The following PPP6C variants were observed in gnomAD, a reference collection of about 807,000 sequenced individuals.
PPP6C encodes the protein serine/threonine-protein phosphatase 6 catalytic subunit.
Under a neutral mutation model 39.8 loss-of-function variants are expected in PPP6C, and 11 were observed. That is an observed-to-expected ratio of 0.28 (90% CI 0.17 to 0.46). The LOEUF (loss-of-function observed/expected upper bound fraction) is 0.46. PPP6C is among the 20% of genes least tolerant of loss of function. The pLI, the probability that PPP6C is intolerant of heterozygous loss-of-function variation, is 1.00. For missense variants in PPP6C, 211 were observed against 373.9 expected (o/e 0.56, Z 3.59); for synonymous variants, 129 against 130.3 (o/e 0.99, Z 0.07).
chr9:125,156,845 C>A (rs1226255813), intron 4 of PPP6C, among the ~76,000 whole-genome samples: 2 of 151,620 alleles, frequency 1.3e-5, no homozygotes, highest in Non-Finnish European at 2.9e-5. Flanking sequence ...CAGAGTCTGG[C>A]TCAGTTGCCC....
chr9:125,171,478 C>CACATATATATATATAT (rs1171157245), intron 1 of PPP6C, among the ~76,000 whole-genome samples: 1 of 83,510 alleles, frequency 1.2e-5, no homozygotes, highest in African/African-American at 5.5e-5. Context: ...CACACACACA[C>CACATATATATATATAT]ATATATATAT....
At chr9:125,163,723 C>G (rs1828942425) in intron 2 of PPP6C, among the ~76,000 whole-genome samples, 1 of 152,028 alleles carries the variant, frequency 6.6e-6, no homozygotes, top group Non-Finnish European at 1.5e-5. Flanking sequence ...GCCACTACGC[C>G]TGGCCAGATA....
At chr9:125,156,240 T>C (rs1254462792) in intron 4 of PPP6C, among the ~76,000 whole-genome samples, 1 of 152,174 alleles carries the variant, frequency 6.6e-6, no homozygotes, top group East Asian at 1.9e-4. Context: ...TAATTGATAA[T>C]GGCAGACAAA....
chr9:125,182,653 A>AGAG (rs1829442002), intron 1 of PPP6C, among the ~76,000 whole-genome samples: 1 of 151,430 alleles, frequency 6.6e-6, no homozygotes, highest in South Asian at 2.1e-4. Flanking sequence ...TCCTCAGGCC[A>AGAG]GATCAGAGTT....
intron 6 of PPP6C, chr9:125,151,497 A>C: frequency 1.3e-6 from 1 of 790,500 alleles, no homozygotes; most frequent in Non-Finnish European, 2.3e-6. Context: ...TCCAAAATAC[A>C]GGTGATCAAC....
chr9:125,148,428 T>C lies in PPP6C; in HGVS notation c.*1245A>G, dbSNP rs896178055. The C allele has an allele frequency of 6.6e-6, 1 of 152,200 alleles. No individual in the cohort carries two copies. The highest frequency in any genetic ancestry group is 2.4e-5 in the African/African-American group (1 of 41,452). The allele number at this position is 152,200 out of a possible 1,614,324, so 9.4% of individuals were successfully genotyped here. A position where few individuals can be genotyped will look rare whatever the true frequency, so the allele number is the denominator to read the frequency against. On this transcript the variant is annotated 3_prime_UTR_variant, in exon 7 of 7. Coordinates refer to ENST00000373547, the MANE Select transcript of PPP6C (RefSeq NM_002721.5). ...TGGACAGTTGCATATTCAGAACTGA[T>C]CATCACAACCCTTTGGATATTCAAA...
chr9:125,185,544 A>C (rs533235789), intron 1 of PPP6C, among the ~76,000 whole-genome samples: 4 of 150,888 alleles, frequency 2.7e-5, no homozygotes, highest in Non-Finnish European at 5.9e-5. Flanking sequence ...AAATACAAAA[A>C]TTAGCCAGGA....
intron 4 of PPP6C, among the ~76,000 whole-genome samples, chr9:125,158,032 A>C (rs1225848859): frequency 1.3e-5 from 2 of 152,114 alleles, no homozygotes; most frequent in African/African-American, 4.8e-5. Context: ...TTCCAGCTAC[A>C]CTTTGAGGCA....
intron 4 of PPP6C, among the ~76,000 whole-genome samples, chr9:125,154,939 T>C (rs1836032692): frequency 6.6e-6 from 1 of 152,210 alleles, no homozygotes; most frequent in Non-Finnish European, 1.5e-5. Flanking sequence ...ATTGCCCAAG[T>C]TGGAATACAG....
rs191935099 is a variant in PPP6C, at chr9:125,169,175, A to T, written c.171+1910T>A. 4.1e-4 allele frequency among the ~76,000 whole-genome samples: 62 copies of T among 152,360 alleles called. 1 individual carries two copies. Among genetic ancestry groups the T allele is most frequent in the Admixed American group, 4.0e-3 (61 of 15,298 alleles). The stretch of plus-strand genomic sequence containing the variant: ...AGTTTCAAATCTCAATCTGCCCTGT[A>T]GTAGCTGTGTGTGAGTTTGGGCTAT... On this transcript the variant is annotated intron_variant, in intron 2 of 6. Coordinates refer to ENST00000373547, the MANE Select transcript of PPP6C (RefSeq NM_002721.5).
intron 4 of PPP6C, among the ~76,000 whole-genome samples, chr9:125,157,824 G>A (rs1036953115): frequency 2.0e-5 from 3 of 151,582 alleles, no homozygotes; most frequent in Non-Finnish European, 2.9e-5. Context: ...CCGAGTAACT[G>A]GGATTACATG....
At position 125,148,998 on chromosome 9, in the gene PPP6C, GTTTTA is replaced by G. The variant is rs1296832949; in HGVS notation, c.*670_*674del. On this transcript the variant is annotated 3_prime_UTR_variant, in exon 7 of 7. Coordinates refer to ENST00000373547, the MANE Select transcript of PPP6C (RefSeq NM_002721.5). ...AATTTCTAACACTTAACCTATCTGA[GTTTTA>G]TTTAAGATTACTTTATTAAAAAATA... 1 of 151,554 alleles carries G rather than the reference GTTTTA, an allele frequency of 6.6e-6. No homozygotes were observed. The allele number at this position is 151,554 out of a possible 1,614,324, so 9.4% of individuals were successfully genotyped here.
intron 1 of PPP6C, chr9:125,188,821 T>TAATAATAATAATAATAATA: frequency 3.3e-6 from 1 of 305,644 alleles, no homozygotes; most frequent in Non-Finnish European, 5.4e-6. Context: ...TAATAATAAT[T>TAATAATAATAATAATAATA]AAAAAGTTTT....
intron 1 of PPP6C, among the ~76,000 whole-genome samples, chr9:125,173,492 C>G (rs952493955): frequency 1.3e-5 from 2 of 150,440 alleles, no homozygotes; most frequent in Non-Finnish European, 3.0e-5. Context: ...GCAAGAGAAT[C>G]GCTTGAACCC....
intron 2 of PPP6C, among the ~76,000 whole-genome samples, chr9:125,161,111 C>T (rs529028993): frequency 6.6e-6 from 1 of 152,284 alleles, no homozygotes; most frequent in Admixed American, 6.5e-5. Flanking sequence ...CATAAAGTCA[C>T]TCCTAGATTA....
chr9:125,149,553 AG>A lies in PPP6C; in HGVS notation c.*119del. The A allele has an allele frequency of 3.5e-6, 4 of 1,131,726 alleles. No homozygotes were observed. The highest frequency in any genetic ancestry group is 4.9e-6 in the Non-Finnish European group (4 of 808,592). 70.1% of individuals were successfully genotyped at this position (1,131,726 alleles called of 1,614,324 possible). ...GATAATTTAAAATTTAAAAAAAAAAAGGCAAGAGGCAGCATTTCAGCAGCAA... is the reference window on the plus strand; with the variant it reads ...GATAATTTAAAATTTAAAAAAAAAAAGCAAGAGGCAGCATTTCAGCAGCAA... On this transcript the variant is annotated 3_prime_UTR_variant, in exon 7 of 7. Coordinates refer to ENST00000373547, the MANE Select transcript of PPP6C (RefSeq NM_002721.5).
At chr9:125,152,570 C>G (rs960310338) in intron 6 of PPP6C, among the ~76,000 whole-genome samples, 1 of 152,144 alleles carries the variant, frequency 6.6e-6, no homozygotes, top group Non-Finnish European at 1.5e-5. Flanking sequence ...GTGGCTCACG[C>G]CTGTAATCCC....
chr9:125,177,175 C>T (rs954788317), intron 1 of PPP6C, among the ~76,000 whole-genome samples: 2 of 151,032 alleles, frequency 1.3e-5, no homozygotes, highest in Non-Finnish European at 2.9e-5. Context: ...GAGAGTGAGA[C>T]CATCCTGGCT....
chr9:125,162,001 G>C (rs763741100), intron 2 of PPP6C, among the ~76,000 whole-genome samples: 5 of 151,120 alleles, frequency 3.3e-5, no homozygotes, highest in Non-Finnish European at 4.4e-5. Flanking sequence ...GTTAGTCAAA[G>C]TGAAGAAAAC....
Sources: gnomAD v4.1 joint callset for allele counts (sites outside exome capture counted in the v4.1 genomes callset) on GRCh38, gnomAD v4.1.1 for gene constraint, MANE v1.5 for transcripts, NCBI Gene and HGNC (gene_info 2026-07-23, HGNC 2026-07-21) for gene names.